Variants in KIFAP3 observed in about 807,000 individuals in gnomAD.
The protein encoded by KIFAP3 is kinesin-associated protein 3.
In KIFAP3, 68 loss-of-function variants were observed where a neutral mutation model predicts 106.5. The observed-to-expected ratio is 0.64, with a 90% CI of 0.53 to 0.78. The LOEUF (loss-of-function observed/expected upper bound fraction) is 0.78. KIFAP3 is among the 30% of genes least tolerant of loss of function. KIFAP3 has a pLI of 0.00. For synonymous variants in KIFAP3, 320 were observed against 311.5 expected (o/e 1.03, Z -0.29); for missense variants, 780 against 941.8 (o/e 0.83, Z 2.25).
intron 16 of KIFAP3, among the ~76,000 whole-genome samples, chr1:169,973,213 A>G (rs1046308826): frequency 6.7e-6 from 1 of 148,274 alleles, no homozygotes; most frequent in Non-Finnish European, 1.5e-5. Flanking sequence ...TTGGATATAT[A>G]AAAATTAAGA....
At chr1:170,047,673 G>T (rs1670333362) in intron 2 of KIFAP3, among the ~76,000 whole-genome samples, 1 of 148,400 alleles carries the variant, frequency 6.7e-6, no homozygotes, top group South Asian at 2.2e-4. Context: ...TCTATATGAG[G>T]AATTTTGAGG....
chr1:170,055,076 G>T (rs566537234), intron 2 of KIFAP3, among the ~76,000 whole-genome samples: 1 of 152,172 alleles, frequency 6.6e-6, no homozygotes, highest in South Asian at 2.1e-4. Flanking sequence ...GGATAAATTA[G>T]AATATGTATG....
intron 4 of KIFAP3, 51 bp downstream of exon 4, chr1:170,039,182 C>G: frequency 2.8e-6 from 3 of 1,063,436 alleles, no homozygotes; most frequent in Non-Finnish European, 2.8e-6. Flanking sequence ...TGGAAAAAGG[C>G]AATATCTTAT....
intron 14 of KIFAP3, 141 bp from the exon 15 acceptor site, chr1:169,982,238 G>C (rs1666562069): frequency 2.2e-6 from 2 of 905,706 alleles, no homozygotes; most frequent in South Asian, 1.8e-5. Context: ...CTATAAATTT[G>C]TCCTTTTTCC....
chr1:170,006,488 A>G (rs980897108), intron 10 of KIFAP3, among the ~76,000 whole-genome samples: 4 of 152,140 alleles, frequency 2.6e-5, no homozygotes, highest in Non-Finnish European at 5.9e-5. Flanking sequence ...TGGGTGGTGC[A>G]CAGGTAGTAA....
At position 169,947,612 on chromosome 1, in the gene KIFAP3, A is replaced by G. The variant is rs891337264; in HGVS notation, c.2273+6399T>C. ...TAGACTTATCTTAAAATATGTTTAC[A>G]TATTAAGAGTAAGTCAACAAATCTG... On this transcript the variant is annotated intron_variant, in intron 19 of 19. Coordinates refer to ENST00000361580, the MANE Select transcript of KIFAP3 (RefSeq NM_014970.4). Among the ~76,000 whole-genome samples the G allele has an allele frequency of 4.7e-4, 71 of 152,036 alleles. 1 individual carries two copies. Among genetic ancestry groups the G allele is most frequent in the African/African-American group, 1.5e-3 (64 of 41,576 alleles).
chr1:169,978,856 A>G (rs1666365975), intron 15 of KIFAP3, among the ~76,000 whole-genome samples: 1 of 152,130 alleles, frequency 6.6e-6, no homozygotes, highest in African/African-American at 2.4e-5. Flanking sequence ...CCAGTTGTGT[A>G]GAATAAATTG....
intron 16 of KIFAP3, among the ~76,000 whole-genome samples, chr1:169,975,345 T>C (rs1666168595): frequency 6.6e-6 from 1 of 152,072 alleles, no homozygotes; most frequent in Non-Finnish European, 1.5e-5. Flanking sequence ...ATATATCAAG[T>C]ATTCTGTTCA....
At position 170,057,170 on chromosome 1, in the gene KIFAP3, A is replaced by G. The variant is rs74665596; in HGVS notation, c.33-1734T>C. Among the ~76,000 whole-genome samples, 1,238 of 152,256 alleles carry G rather than the reference A, an allele frequency of 8.1e-3. 22 individuals are homozygous for G. The highest frequency in any genetic ancestry group is 0.027 in the African/African-American group (1,133 of 41,564). Reference sequence around the variant, plus strand: ...ATAACTGTATACAGTTAAGGGAAGAAAAGAGTAAGGATATATAAATGCAGA... The same window carrying G: ...ATAACTGTATACAGTTAAGGGAAGAGAAGAGTAAGGATATATAAATGCAGA... On this transcript the variant is annotated intron_variant, in intron 1 of 19. Transcript: ENST00000361580.
intron 10 of KIFAP3, among the ~76,000 whole-genome samples, chr1:169,993,169 A>G (rs982692330): frequency 6.8e-6 from 1 of 146,814 alleles, no homozygotes; most frequent in Non-Finnish European, 1.5e-5. Context: ...GTGCAGTGGC[A>G]CAATCTTGGC....
chr1:170,043,258 A>G (rs1179326944), intron 3 of KIFAP3, among the ~76,000 whole-genome samples: 1 of 152,196 alleles, frequency 6.6e-6, no homozygotes, highest in Non-Finnish European at 1.5e-5. Flanking sequence ...CTGCAGAGTG[A>G]AAGAACATGT....
chr1:169,926,582 G>GTA (rs1030480608), intron 19 of KIFAP3, among the ~76,000 whole-genome samples: 27 of 151,350 alleles, frequency 1.8e-4, no homozygotes, highest in Admixed American at 3.9e-4. Context: ...GTATATATGT[G>GTA]TATATATATA....
intron 10 of KIFAP3, among the ~76,000 whole-genome samples, chr1:169,994,301 T>C (rs1667265780): frequency 6.6e-6 from 1 of 152,184 alleles, no homozygotes; most frequent in Admixed American, 6.5e-5. Context: ...TATGTTACAA[T>C]ACTACTCTCA....
chr1:170,052,373 C>T (rs1293190469), intron 2 of KIFAP3, among the ~76,000 whole-genome samples: 1 of 151,974 alleles, frequency 6.6e-6, no homozygotes, highest in East Asian at 1.9e-4. Context: ...AAGAAAAAGG[C>T]CAGGAACAGA....
intron 10 of KIFAP3, among the ~76,000 whole-genome samples, chr1:170,004,598 C>A (rs1266352326): frequency 3.9e-5 from 6 of 152,004 alleles, no homozygotes; most frequent in Non-Finnish European, 5.9e-5. Context: ...GAAAAACAAG[C>A]AATGGGGAAA....
At chr1:170,017,964 T>C (rs1018329800) in intron 9 of KIFAP3, among the ~76,000 whole-genome samples, 1 of 152,212 alleles carries the variant, frequency 6.6e-6, no homozygotes, top group Non-Finnish European at 1.5e-5. Context: ...GGAGAGAAGC[T>C]AGACTAAAAG....
intron 1 of KIFAP3, among the ~76,000 whole-genome samples, chr1:170,058,759 C>T (rs1670982009): frequency 6.6e-6 from 1 of 151,860 alleles, no homozygotes; most frequent in Non-Finnish European, 1.5e-5. Flanking sequence ...CAGCTGAAAA[C>T]CAGAACTGTC....
rs1303890722 is a variant in KIFAP3 at position 169,987,150 on chromosome 1, G to A, written c.1285-2460C>T. Among the ~76,000 whole-genome samples, 4 of 151,980 alleles carry A rather than the reference G, an allele frequency of 2.6e-5. No homozygotes were observed. In the South Asian group the frequency reaches 8.3e-4, roughly 32 times the overall value. ...ACATGAAAGAGTATGTCTTTAATTT[G>A]ATTGCTATGATGGCACTTCAAAAGT... On this transcript the variant is annotated intron_variant, in intron 11 of 19. Coordinates refer to ENST00000361580, the MANE Select transcript of KIFAP3 (RefSeq NM_014970.4).
intron 5 of KIFAP3, 38 bp from the exon 6 acceptor site, chr1:170,035,591 C>A: frequency 7.6e-7 from 1 of 1,307,550 alleles, no homozygotes; most frequent in South Asian, 1.3e-5. Flanking sequence ...GATCATTCTC[C>A]TTGCTCTGGT....
Sources: gnomAD v4.1 joint callset for allele counts (sites outside exome capture counted in the v4.1 genomes callset) on GRCh38, gnomAD v4.1.1 for gene constraint, MANE v1.5 for transcripts, NCBI Gene and HGNC (gene_info 2026-07-23, HGNC 2026-07-21) for gene names.